The following NCKAP5 variants were observed in gnomAD, a reference collection of about 807,000 sequenced individuals.
The protein encoded by NCKAP5 is NCK associated protein 5.
In NCKAP5, 92 loss-of-function variants were observed where a neutral mutation model predicts 167.0. The ratio of observed to expected loss-of-function variants is 0.55; its 90% CI spans 0.47 to 0.66. The LOEUF (loss-of-function observed/expected upper bound fraction) is 0.66. NCKAP5 is among the 30% of genes least tolerant of loss of function. The pLI is 0.00. For synonymous variants in NCKAP5, 891 were observed against 877.4 expected (o/e 1.02, Z -0.27); for missense variants, 2,378 against 2,315.0 (o/e 1.03, Z -0.56).
At chr2:132,875,807 G>A (rs1691218921) in intron 9 of NCKAP5, among the ~76,000 whole-genome samples, 1 of 152,198 alleles carries the variant, frequency 6.6e-6, no homozygotes, top group Non-Finnish European at 1.5e-5. Context: ...GCTGAGAGAT[G>A]AGATAGGGAG....
intron 7 of NCKAP5, among the ~76,000 whole-genome samples, chr2:132,969,019 C>T (rs1250990840): frequency 6.6e-6 from 1 of 152,124 alleles, no homozygotes; most frequent in Non-Finnish European, 1.5e-5. Context: ...ATGCAGCTCC[C>T]TGTAAAATAT....
the NCKAP5 span, among the ~76,000 whole-genome samples, chr2:133,629,950 A>C: frequency 2.0e-5 from 3 of 152,048 alleles, no homozygotes; most frequent in African/African-American, 7.2e-5. Flanking sequence ...ATGGACACAG[A>C]GAGGGGAACA....
At chr2:133,351,344 T>TACTTGTAA (rs1282227673) in intron 3 of NCKAP5, among the ~76,000 whole-genome samples, 8 of 152,186 alleles carry the variant, frequency 5.3e-5, no homozygotes, top group African/African-American at 1.7e-4. Context: ...TGAAACTTGG[T>TACTTGTAA]ACTTGTAAAC....
intron 11 of NCKAP5, among the ~76,000 whole-genome samples, chr2:132,849,294 C>T (rs533619594): frequency 6.6e-6 from 1 of 152,092 alleles, no homozygotes; most frequent in Non-Finnish European, 1.5e-5. Context: ...TAATCCAGGG[C>T]ATTTCCAACT....
At chr2:132,897,279 C>T (rs1325538053) in intron 8 of NCKAP5, among the ~76,000 whole-genome samples, 2 of 152,130 alleles carry the variant, frequency 1.3e-5, no homozygotes, top group Non-Finnish European at 2.9e-5. Context: ...CATAACAAAG[C>T]CAGAATGAAG....
At chr2:132,934,528 C>T (rs921101087) in intron 8 of NCKAP5, among the ~76,000 whole-genome samples, 3 of 151,914 alleles carry the variant, frequency 2.0e-5, no homozygotes, top group Admixed American at 1.3e-4. Flanking sequence ...GTAGAGATCA[C>T]GTCATTGCAC....
At chr2:133,547,701 G>C (rs1417959092) in intron 2 of NCKAP5, among the ~76,000 whole-genome samples, 1 of 150,284 alleles carries the variant, frequency 6.7e-6, no homozygotes, top group African/African-American at 2.5e-5. Flanking sequence ...CAAACAGAAA[G>C]GACATCCACA....
At chr2:132,995,640 C>G (rs987460266) in intron 6 of NCKAP5, among the ~76,000 whole-genome samples, 1 of 137,930 alleles carries the variant, frequency 7.3e-6, no homozygotes, top group Non-Finnish European at 1.6e-5. Flanking sequence ...GACAGAGACT[C>G]TATCTGAAAA....
chr2:133,479,932 C>CT lies in NCKAP5; in HGVS notation c.69+37525dup, dbSNP rs11368084. Among the ~76,000 whole-genome samples, 702 of 133,562 alleles carry CT rather than the reference C, an allele frequency of 5.3e-3. 2 individuals are homozygous for CT. Among genetic ancestry groups the CT allele is most frequent in the African/African-American group, 6.8e-3 (240 of 35,176 alleles). The allele number at this position is 133,562 out of a possible 152,430, so 87.6% of individuals were successfully genotyped here. A position where few individuals can be genotyped will look rare whatever the true frequency, so the allele number is the denominator to read the frequency against. On this transcript the variant is annotated intron_variant, in intron 3 of 19. Coordinates refer to ENST00000409261, the MANE Select transcript of NCKAP5 (RefSeq NM_207363.3). ...TTATTTAGGATTTGTTTTCTTTTTC[C>CT]TTTTTTTTTTTTTTTTTGAGACAGA...
At chr2:132,812,453 G>T (rs1283941245) in intron 11 of NCKAP5, among the ~76,000 whole-genome samples, 2 of 152,188 alleles carry the variant, frequency 1.3e-5, no homozygotes, top group East Asian at 3.9e-4. Flanking sequence ...CTTAAGGACT[G>T]CCCCTATGGC....
chr2:133,507,493 A>T (rs764808546), intron 3 of NCKAP5, among the ~76,000 whole-genome samples: 2 of 152,252 alleles, frequency 1.3e-5, no homozygotes, highest in Admixed American at 1.3e-4. Flanking sequence ...ATGATCCATT[A>T]AGCCTGGTTA....
the NCKAP5 span, among the ~76,000 whole-genome samples, chr2:133,591,296 G>T: frequency 6.6e-6 from 1 of 152,302 alleles, no homozygotes; most frequent in Admixed American, 6.5e-5. Context: ...TGGATGGCCG[G>T]GTTTCCCTTC....
At chr2:133,551,167 C>T (rs1361617319) in intron 2 of NCKAP5, among the ~76,000 whole-genome samples, 3 of 152,050 alleles carry the variant, frequency 2.0e-5, no homozygotes, top group African/African-American at 7.3e-5. Context: ...GGCCATACTG[C>T]CCAAGGTAAT....
chr2:132,848,538 G>T (rs147161365), intron 11 of NCKAP5, among the ~76,000 whole-genome samples: 1,885 of 152,204 alleles, frequency 0.012, 20 homozygotes, highest in Admixed American at 0.027. Context: ...TGTATAATGT[G>T]TTCTATTTTG....
chr2:133,102,338 G>A (rs546714070), intron 6 of NCKAP5, among the ~76,000 whole-genome samples: 23 of 152,030 alleles, frequency 1.5e-4, no homozygotes, highest in Admixed American at 8.5e-4. Flanking sequence ...TAGTAGAGAC[G>A]GGGTTTCACC....
chr2:133,031,527 C>T lies in NCKAP5; in HGVS notation c.342-37288G>A, dbSNP rs572618221. Among the ~76,000 whole-genome samples, 12 of 152,266 alleles carry T rather than the reference C, an allele frequency of 7.9e-5. No individual in the cohort carries two copies. The South Asian group carries it at 2.1e-3, about 26-fold the overall frequency. On this transcript the variant is annotated intron_variant, in intron 6 of 19. Transcript: ENST00000409261. ...AGTAAACTTGAAAGGCAGTCTGGGC[C>T]ATAAGGATTGCAACTTTTAGGTGAG...
chr2:132,745,076 C>T (rs568780146), intron 16 of NCKAP5, among the ~76,000 whole-genome samples: 2 of 151,568 alleles, frequency 1.3e-5, no homozygotes, highest in Non-Finnish European at 3.0e-5. Context: ...CTTTAGAAAA[C>T]AGGAGAAGAG....
At chr2:133,076,131 A>G (rs1022433874) in intron 6 of NCKAP5, among the ~76,000 whole-genome samples, 4 of 152,228 alleles carry the variant, frequency 2.6e-5, no homozygotes, top group Admixed American at 1.3e-4. Context: ...TTAATATAGA[A>G]CCATACATAA....
At chr2:133,104,412 G>A (rs140067670) in intron 6 of NCKAP5, among the ~76,000 whole-genome samples, 56 of 152,300 alleles carry the variant, frequency 3.7e-4, no homozygotes, top group African/African-American at 1.3e-3. Context: ...TCTACATTTG[G>A]AGTTGGTTAC....
Sources: gnomAD v4.1 joint callset for allele counts (sites outside exome capture counted in the v4.1 genomes callset) on GRCh38, gnomAD v4.1.1 for gene constraint, MANE v1.5 for transcripts, NCBI Gene and HGNC (gene_info 2026-07-23, HGNC 2026-07-21) for gene names.